The following MAML3 variants were observed in gnomAD, a reference collection of about 807,000 sequenced individuals.
MAML3 encodes mastermind-like protein 3.
MAML3 carries 27 observed loss-of-function variants against 101.9 expected under a neutral mutation model. The observed-to-expected ratio is 0.27, with a 90% CI of 0.20 to 0.37. The LOEUF (loss-of-function observed/expected upper bound fraction) is 0.37. MAML3 is among the 10% of genes least tolerant of loss of function. The pLI, the probability that MAML3 is intolerant of heterozygous loss-of-function variation, is 1.00. For missense variants in MAML3, 1,316 were observed against 1,444.9 expected (o/e 0.91, Z 1.45); for synonymous variants, 501 against 555.9 (o/e 0.90, Z 1.39).
intron 2 of MAML3, among the ~76,000 whole-genome samples, chr4:139,858,563 A>G (rs1412984377): frequency 2.0e-5 from 3 of 151,584 alleles, no homozygotes; most frequent in Non-Finnish European, 4.4e-5. Context: ...TGCTAAGACC[A>G]TGTCACATGC....
intron 1 of MAML3, among the ~76,000 whole-genome samples, chr4:140,000,918 T>C (rs1043135181): frequency 2.8e-5 from 3 of 108,194 alleles, no homozygotes; most frequent in Admixed American, 1.2e-4. Flanking sequence ...TCCCAGCTAC[T>C]TGGGAAGGCT....
intron 1 of MAML3, among the ~76,000 whole-genome samples, chr4:140,000,765 C>T (rs1351896792): frequency 1.3e-5 from 2 of 152,142 alleles, no homozygotes; most frequent in Non-Finnish European, 2.9e-5. Flanking sequence ...CGGTGGCTCA[C>T]GCTTGTAATC....
intron 1 of MAML3, 106 bp from the exon 2 acceptor site, chr4:139,891,073 C>T (rs1169075993): frequency 3.9e-6 from 5 of 1,291,388 alleles, no homozygotes; most frequent in Non-Finnish European, 5.2e-6. Flanking sequence ...TGGTTTACGA[C>T]ACACAGGAAA....
chr4:140,127,438 G>A (rs1000857144), intron 1 of MAML3, among the ~76,000 whole-genome samples: 3 of 152,188 alleles, frequency 2.0e-5, no homozygotes, highest in Admixed American at 6.5e-5. Flanking sequence ...AGTGTGGAGG[G>A]AATTTGGACT....
intron 1 of MAML3, among the ~76,000 whole-genome samples, chr4:139,998,632 C>T (rs943519399): frequency 6.6e-6 from 1 of 152,170 alleles, no homozygotes; most frequent in East Asian, 1.9e-4. Flanking sequence ...TTACACTCTC[C>T]TCTTTCTTTG....
At chr4:139,797,078 A>G (rs1356538255) in intron 2 of MAML3, among the ~76,000 whole-genome samples, 1 of 152,202 alleles carries the variant, frequency 6.6e-6, no homozygotes, top group Non-Finnish European at 1.5e-5. Flanking sequence ...CTCCCCCTAC[A>G]TGACATTGCT....
chr4:140,099,997 C>T (rs1359562242), intron 1 of MAML3, among the ~76,000 whole-genome samples: 3 of 152,176 alleles, frequency 2.0e-5, no homozygotes, highest in African/African-American at 7.2e-5. Context: ...CCACGTGTCC[C>T]CAACCCATCT....
intron 1 of MAML3, among the ~76,000 whole-genome samples, chr4:139,940,782 T>C (rs1026436684): frequency 1.3e-5 from 2 of 152,196 alleles, no homozygotes; most frequent in Non-Finnish European, 2.9e-5. Context: ...ATGCAATAAC[T>C]GGCACATACC....
rs531313647 is a variant in MAML3 at position 139,860,868 on chromosome 4, T to C, written c.2079+28489A>G. 4.6e-5 allele frequency among the ~76,000 whole-genome samples: 7 copies of C among 152,326 alleles called. No homozygotes were observed. In the East Asian group the frequency reaches 1.3e-3, roughly 29 times the overall value. ...TTATAGATGACTTTTGATCCGGTAA[T>C]GATTAATTTCAGTCTTAACTGTGGT... is the stretch of plus-strand genomic sequence containing the variant. On this transcript the variant is annotated intron_variant, in intron 2 of 4. Coordinates refer to ENST00000509479, the MANE Select transcript of MAML3 (RefSeq NM_018717.5).
At chr4:139,968,033 C>A (rs1470444804) in intron 1 of MAML3, among the ~76,000 whole-genome samples, 4 of 150,814 alleles carry the variant, frequency 2.7e-5, no homozygotes, top group East Asian at 3.9e-4. Context: ...AATCCCAGCA[C>A]TTTGGGAGGC....
intron 1 of MAML3, among the ~76,000 whole-genome samples, chr4:140,004,028 G>C (rs1038038049): frequency 6.6e-6 from 1 of 152,226 alleles, no homozygotes; most frequent in Admixed American, 6.5e-5. Context: ...GAAAAGGAGA[G>C]AGACTGCACA....
chr4:139,944,257 C>T (rs1431348600), intron 1 of MAML3, among the ~76,000 whole-genome samples: 1 of 151,988 alleles, frequency 6.6e-6, no homozygotes, highest in Non-Finnish European at 1.5e-5. Context: ...TATACATGTG[C>T]CATGCTGGTG....
chr4:140,098,538 C>G (rs914161037), intron 1 of MAML3, among the ~76,000 whole-genome samples: 2 of 152,194 alleles, frequency 1.3e-5, no homozygotes, highest in African/African-American at 2.4e-5. Flanking sequence ...TTATCCTTCC[C>G]GTATCATCAC....
At chr4:139,934,419 C>T (rs1277391967) in intron 1 of MAML3, among the ~76,000 whole-genome samples, 1 of 151,904 alleles carries the variant, frequency 6.6e-6, no homozygotes, top group Non-Finnish European at 1.5e-5. Context: ...CAATTCTCTT[C>T]TCAACTGGAA....
At chr4:139,935,213 CT>C (rs576839308) in intron 1 of MAML3, among the ~76,000 whole-genome samples, 7,683 of 130,902 alleles carry the variant, frequency 0.059, 642 homozygotes, top group African/African-American at 0.19. Context: ...CAAGACACCT[CT>C]TTTTTTTTTT....
At chr4:140,140,241 C>CG (rs1728957751) in intron 1 of MAML3, among the ~76,000 whole-genome samples, 2 of 151,984 alleles carry the variant, frequency 1.3e-5, no homozygotes, top group Admixed American at 1.3e-4. Flanking sequence ...AGAGAATTGC[C>CG]TGAACCCAGG....
In MAML3 at chr4:139,730,491, C is replaced by T. The variant is rs1728660208; in HGVS notation, c.2256G>A (p.Glu752=). The T allele has an allele frequency of 6.4e-7, 1 of 1,553,938 alleles. No individual in the cohort carries two copies. Among genetic ancestry groups the T allele is most frequent in the Non-Finnish European group, 8.7e-7 (1 of 1,148,342 alleles). Residue 752 remains glutamate, a synonymous_variant, in exon 3 of 5, where the codon GAG becomes GAA. Transcript: ENST00000509479. ...MLIDQRAQLI[E]QQKQQFLREQ... is the part of the protein sequence containing the mutation. ...CCCGCAGGAACTGTTGCTTCTGCTG[C>T]TCTATCAACTGGGCCCGCTGATCAA...
chr4:139,949,156 C>T (rs1204485405), intron 1 of MAML3, among the ~76,000 whole-genome samples: 1 of 152,156 alleles, frequency 6.6e-6, no homozygotes, highest in Non-Finnish European at 1.5e-5. Flanking sequence ...GCTGGGACTA[C>T]AGGCACGCGG....
chr4:140,100,446 A>G (rs1223850371), intron 1 of MAML3, among the ~76,000 whole-genome samples: 1 of 152,228 alleles, frequency 6.6e-6, no homozygotes, highest in Non-Finnish European at 1.5e-5. Flanking sequence ...AAAACCAAAC[A>G]GATAATTTAT....
Sources: gnomAD v4.1 joint callset for allele counts (sites outside exome capture counted in the v4.1 genomes callset) on GRCh38, gnomAD v4.1.1 for gene constraint, MANE v1.5 for transcripts, NCBI Gene and HGNC (gene_info 2026-07-23, HGNC 2026-07-21) for gene names.